PLCH1: variants seen among roughly 807,000 people sequenced by gnomAD.
The protein encoded by PLCH1 is 1-phosphatidylinositol 4,5-bisphosphate phosphodiesterase eta-1.
In PLCH1, 60 loss-of-function variants were observed where a neutral mutation model predicts 126.7. The observed-to-expected ratio is 0.47, with a 90% CI of 0.38 to 0.59. PLCH1 has a LOEUF of 0.59. Among genes scored for constraint, PLCH1 ranks in the 20% least tolerant of loss-of-function variants. PLCH1 has a pLI of 0.00. For missense variants in PLCH1, 1,723 were observed against 2,040.0 expected, an observed-to-expected ratio of 0.84 and a Z score of 2.99; for synonymous variants, 719 against 734.9, an observed-to-expected ratio of 0.98 and a Z score of 0.35.
chr3:155,582,315 T>G (rs1479101790), intron 6 of PLCH1, among the ~76,000 whole-genome samples: 1 of 145,954 alleles, frequency 6.9e-6, no homozygotes, highest in South Asian at 2.2e-4. Flanking sequence ...ACTCCTGACC[T>G]CAGGTGATCC....
At chr3:155,655,429 G>A (rs1314388685) in intron 2 of PLCH1, among the ~76,000 whole-genome samples, 2 of 145,714 alleles carry the variant, frequency 1.4e-5, no homozygotes, top group Non-Finnish European at 3.0e-5. Flanking sequence ...AGAAACTTGT[G>A]AGAAAAAAAA....
chr3:155,566,343 A>G (rs370112254), intron 7 of PLCH1, among the ~76,000 whole-genome samples: 5 of 41,308 alleles, frequency 1.2e-4, no homozygotes, highest in East Asian at 3.8e-4. Context: ...ATATATACAC[A>G]TATATATACA....
intron 2 of PLCH1, among the ~76,000 whole-genome samples, chr3:155,615,532 C>T (rs947111282): frequency 6.6e-6 from 1 of 152,096 alleles, no homozygotes; most frequent in Non-Finnish European, 1.5e-5. Context: ...ATGGAACCAG[C>T]CCAAATGCCC....
At chr3:155,636,213 C>G (rs1248568205) in intron 2 of PLCH1, among the ~76,000 whole-genome samples, 2 of 152,162 alleles carry the variant, frequency 1.3e-5, no homozygotes, top group African/African-American at 2.4e-5. Context: ...GATCAAGATT[C>G]ACCCAGGACT....
intron 14 of PLCH1, among the ~76,000 whole-genome samples, chr3:155,499,558 A>G (rs16825042): frequency 0.15 from 23,454 of 152,200 alleles, 2,346 homozygotes; most frequent in African/African-American, 0.29. Flanking sequence ...GGACATCATC[A>G]TAGATGCTCA....
intron 10 of PLCH1, among the ~76,000 whole-genome samples, chr3:155,545,918 C>T (rs1725200370): frequency 6.6e-6 from 1 of 152,104 alleles, no homozygotes; most frequent in South Asian, 2.1e-4. Context: ...ATGACAAACC[C>T]ACAGCCAATA....
intron 11 of PLCH1, among the ~76,000 whole-genome samples, chr3:155,520,650 A>T (rs1173648569): frequency 6.6e-6 from 1 of 152,224 alleles, no homozygotes; most frequent in African/African-American, 2.4e-5. Context: ...ATAAAGATGA[A>T]TAATGGTGAC....
intron 3 of PLCH1, among the ~76,000 whole-genome samples, chr3:155,594,441 C>T (rs1392984394): frequency 2.0e-5 from 3 of 151,972 alleles, no homozygotes; most frequent in Admixed American, 2.0e-4. Flanking sequence ...GGCACGGTGG[C>T]GGGTGCCTGT....
At chr3:155,494,014 GAA>G in intron 17 of PLCH1, 125 bp downstream of exon 17, 1 of 586,386 alleles carries the variant, frequency 1.7e-6, no homozygotes, top group Non-Finnish European at 2.9e-6. Flanking sequence ...CTATCTTTTT[GAA>G]AAAAAAAAGT....
At chr3:155,540,733 C>A (rs1351963134) in intron 10 of PLCH1, among the ~76,000 whole-genome samples, 1 of 152,154 alleles carries the variant, frequency 6.6e-6, no homozygotes, top group Admixed American at 6.5e-5. Flanking sequence ...ATCAAAAAAT[C>A]AAAAAATAAC....
chr3:155,606,148 T>C (rs1003461668), intron 2 of PLCH1, among the ~76,000 whole-genome samples: 5 of 152,246 alleles, frequency 3.3e-5, no homozygotes, highest in African/African-American at 1.2e-4. Flanking sequence ...ATGCTTTTTT[T>C]TCTTCTTGAA....
chr3:155,702,527 G>A (rs1746353298), intron 2 of PLCH1, among the ~76,000 whole-genome samples: 1 of 152,084 alleles, frequency 6.6e-6, no homozygotes, highest in Non-Finnish European at 1.5e-5. Flanking sequence ...GTATGACAAT[G>A]TTAATGGTCA....
intron 2 of PLCH1, among the ~76,000 whole-genome samples, chr3:155,600,326 A>G (rs892269343): frequency 1.3e-5 from 2 of 152,202 alleles, no homozygotes; most frequent in Non-Finnish European, 2.9e-5. Context: ...TCTGCCTCCA[A>G]CAGAAATGAT....
chr3:155,709,694 TG>T (rs2109099576), intron 1 of PLCH1, among the ~76,000 whole-genome samples: 2 of 152,284 alleles, frequency 1.3e-5, no homozygotes, highest in Admixed American at 1.3e-4. Flanking sequence ...AAGGCTCAAC[TG>T]CAGCCTCGAC....
At chr3:155,709,403 C>G (rs150748832) in intron 1 of PLCH1, among the ~76,000 whole-genome samples, 2 of 152,132 alleles carry the variant, frequency 1.3e-5, no homozygotes, top group African/African-American at 4.8e-5. Context: ...GCATTGCTGC[C>G]AGCAATAAAT....
intron 19 of PLCH1, among the ~76,000 whole-genome samples, chr3:155,489,099 A>C (rs1355331368): frequency 6.6e-6 from 1 of 152,238 alleles, no homozygotes; most frequent in African/African-American, 2.4e-5. Context: ...TGCTTCAATA[A>C]GTTAAAAAAT....
At chr3:155,544,831 G>C (rs1368476905) in intron 10 of PLCH1, among the ~76,000 whole-genome samples, 1 of 151,600 alleles carries the variant, frequency 6.6e-6, no homozygotes, top group African/African-American at 2.4e-5. Context: ...GATGTTCTTT[G>C]AAACCAACGA....
chr3:155,533,168 G>A (rs1351550495), intron 10 of PLCH1, among the ~76,000 whole-genome samples: 6 of 152,354 alleles, frequency 3.9e-5, no homozygotes, highest in African/African-American at 1.4e-4. Flanking sequence ...CAACTTGAGA[G>A]AGATGATCTG....
At chr3:155,634,796 G>C (rs958169964) in intron 2 of PLCH1, among the ~76,000 whole-genome samples, 1 of 152,176 alleles carries the variant, frequency 6.6e-6, no homozygotes, top group African/African-American at 2.4e-5. Context: ...GGTGTTCAGG[G>C]ACCAGCTATG....
Sources: gnomAD v4.1 joint callset for allele counts (sites outside exome capture counted in the v4.1 genomes callset) on GRCh38, gnomAD v4.1.1 for gene constraint, MANE v1.5 for transcripts, NCBI Gene and HGNC (gene_info 2026-07-23, HGNC 2026-07-21) for gene names.